QSER1: variants seen among roughly 807,000 people sequenced by gnomAD.
The protein encoded by QSER1 is glutamine and serine-rich protein 1.
A neutral mutation model predicts 158.5 loss-of-function variants in QSER1; 49 were observed. The observed-to-expected ratio is 0.31, with a 90% CI of 0.25 to 0.39. QSER1 has a LOEUF of 0.39. Among genes scored for constraint, QSER1 ranks in the 10% least tolerant of loss-of-function variants. The pLI is 1.00. For synonymous variants in QSER1, 650 were observed against 715.5 expected (o/e 0.91, Z 1.46); for missense variants, 1,754 against 2,010.3 (o/e 0.87, Z 2.44).
chr11:32,977,861 G>C lies in QSER1; in HGVS notation c.*1387G>C, dbSNP rs1398457179. ...CTTTTGTTTATTTTACCACCATTTA[G>C]TGCCTTAAATCCTATCAAGAAAGCA... is the stretch of plus-strand genomic sequence containing the variant. On this transcript the variant is annotated 3_prime_UTR_variant, in exon 13 of 13. Transcript: ENST00000650167. 6.6e-6 allele frequency: 1 copy of C among 152,544 alleles called. No individual in the cohort carries two copies. Among genetic ancestry groups the C allele is most frequent in the Non-Finnish European group, 1.5e-5 (1 of 68,010 alleles). The allele number at this position is 152,544 out of a possible 1,614,324, so 9.4% of individuals were successfully genotyped here.
Position 32,978,191 on chromosome 11 carries a change from G to C in QSER1, c.*1717G>C, listed in dbSNP as rs945212519. ...AGGGTTAAATGTTCCATTTTTGAAAGTTTTAAAAAACCTGTTTGGGTGGTT... is the reference window on the plus strand; with the variant it reads ...AGGGTTAAATGTTCCATTTTTGAAACTTTTAAAAAACCTGTTTGGGTGGTT... On this transcript the variant is annotated 3_prime_UTR_variant, in exon 13 of 13. Transcript: ENST00000650167. 1.3e-5 allele frequency: 2 copies of C among 152,554 alleles called. No homozygotes were observed. Among genetic ancestry groups the C allele is most frequent in the Admixed American group, 1.3e-4 (2 of 15,268 alleles). The allele number at this position is 152,554 out of a possible 1,614,324, so 9.5% of individuals were successfully genotyped here. A position where few individuals can be genotyped will look rare whatever the true frequency, so the allele number is the denominator to read the frequency against.
chr11:32,925,787 C>G (rs1049334518), intron 1 of QSER1, among the ~76,000 whole-genome samples: 3 of 152,096 alleles, frequency 2.0e-5, no homozygotes, highest in African/African-American at 7.2e-5. Context: ...CTCATCCTCC[C>G]AAAGTACTGG....
chr11:32,950,284 G>A (rs1852401293), intron 4 of QSER1, among the ~76,000 whole-genome samples: 1 of 152,028 alleles, frequency 6.6e-6, no homozygotes, highest in Non-Finnish European at 1.5e-5. Context: ...AGTGGACACG[G>A]GGTTTTACCA....
chr11:32,911,950 G>A (rs1200389546), intron 1 of QSER1, among the ~76,000 whole-genome samples: 2 of 152,154 alleles, frequency 1.3e-5, no homozygotes, highest in Non-Finnish European at 2.9e-5. Flanking sequence ...ATTTTGATTT[G>A]CAGATAAGTA....
At chr11:32,901,500 AAG>A (rs540168990) in intron 1 of QSER1, among the ~76,000 whole-genome samples, 17 of 152,322 alleles carry the variant, frequency 1.1e-4, no homozygotes, top group South Asian at 6.2e-4. Context: ...ATAGTGGAAT[AAG>A]GGATTAGTAC....
chr11:32,913,477 G>C (rs1490417105), intron 1 of QSER1, among the ~76,000 whole-genome samples: 1 of 151,798 alleles, frequency 6.6e-6, no homozygotes, highest in Non-Finnish European at 1.5e-5. Flanking sequence ...ACAGGTGCGA[G>C]CTACCGCACC....
At position 32,975,585 on chromosome 11, in the gene QSER1, G is replaced by A. The variant is rs183959043; in HGVS notation, c.5454+242G>A. The A allele has an allele frequency of 1.2e-3, 1,647 of 1,319,668 alleles. 2 individuals carry two copies. The highest frequency in any genetic ancestry group is 1.5e-3 in the Non-Finnish European group (1,557 of 1,021,284). The allele number at this position is 1,319,668 out of a possible 1,614,324, so 81.7% of individuals were successfully genotyped here. A position where few individuals can be genotyped will look rare whatever the true frequency, so the allele number is the denominator to read the frequency against. ...CTATAATTGGTAATGTTTTGAAGCT[G>A]TTGGTGCTTGCTTTACATCGCCATA... is the stretch of plus-strand genomic sequence containing the variant. On this transcript the variant is annotated intron_variant, in intron 12 of 12. Transcript: ENST00000650167.
rs770290878 is a variant in QSER1 at position 32,931,790 on chromosome 11, C to T, written c.532C>T (p.Pro178Ser). The stretch of plus-strand genomic sequence containing the variant: ...TGAGCTGTTTGCTACTGGACCTTTG[C>T]CAAGCACTGGAACACTTCCACCATC... ...ATELFATGPL[P>S]STGTLPPSLS... is the part of the protein sequence containing the mutation. The change falls in exon 4 of 13, where the codon CCA becomes TCA. Residue 178 changes from proline (P) to serine (S), a missense_variant. By Grantham distance (74) the Pro-to-Ser change is moderately conservative (BLOSUM62 -1). This residue lies in a region of QSER1 where 1,707 missense variants were observed against 1,919.6 expected (regional missense o/e 0.89). Transcript: ENST00000650167. 1 of 1,612,942 alleles carries T rather than the reference C, an allele frequency of 6.2e-7. No homozygotes were observed. The highest frequency in any genetic ancestry group is 1.1e-5 in the South Asian group (1 of 90,766).
chr11:32,973,777 T>A (rs1275766806), intron 11 of QSER1, among the ~76,000 whole-genome samples: 1 of 152,210 alleles, frequency 6.6e-6, no homozygotes, highest in Non-Finnish European at 1.5e-5. Flanking sequence ...TTTCTTAAAT[T>A]GACTAATATG....
At position 32,932,726 on chromosome 11, in the gene QSER1, T is replaced by C. The variant is rs376819309; in HGVS notation, c.1468T>C (p.Tyr490His). The C allele has an allele frequency of 6.1e-5, 98 of 1,614,066 alleles. No individual in the cohort carries two copies. Among genetic ancestry groups the C allele is most frequent in the Middle Eastern group, 3.3e-4 (2 of 6,084 alleles). ...NVPSIVHSQV[Y>H]RSSKVEKLPP... ...GCCATCTATTGTTCATTCACAGGTT[T>C]ATAGGTCCAGCAAGGTTGAGAAATT... is the stretch of plus-strand genomic sequence containing the variant. The change falls in exon 4 of 13, where the codon TAT becomes CAT. Residue 490 changes from tyrosine (Y) to histidine (H), a missense_variant. Physicochemically the swap from Tyr to His is moderately conservative, Grantham distance 83. Transcript: ENST00000650167.
chr11:32,918,081 T>C (rs1374998094), intron 1 of QSER1, among the ~76,000 whole-genome samples: 1 of 152,208 alleles, frequency 6.6e-6, no homozygotes, highest in Non-Finnish European at 1.5e-5. Context: ...ACAGGATGCC[T>C]GCCCAGTCAA....
rs374946220 is a variant in QSER1 at position 32,932,243 on chromosome 11, T to C, written c.985T>C (p.Ser329Pro). ...KHHQRPSGTQ[S>P]IQAQLTGSQH... ...CCATCAGCGGCCTTCAGGTACCCAG[T>C]CAATTCAGGCACAACTGACTGGTTC... Residue 329 changes from serine (S) to proline (P), a missense_variant, in exon 4 of 13, where the codon TCA (serine) becomes CCA (proline). Transcript: ENST00000650167. The C allele has an allele frequency of 1.1e-5, 17 of 1,614,134 alleles. No individual in the cohort carries two copies. The highest frequency in any genetic ancestry group is 1.4e-5 in the Non-Finnish European group (16 of 1,180,030).
intron 1 of QSER1, among the ~76,000 whole-genome samples, chr11:32,898,432 G>T (rs1354758431): frequency 6.6e-6 from 1 of 151,826 alleles, no homozygotes; most frequent in Non-Finnish European, 1.5e-5. Context: ...GTTGCCGTGA[G>T]CTGTGATGGT....
In QSER1 at chr11:32,933,546, G is replaced by A; in HGVS notation, c.2288G>A (p.Ser763Asn). 6.2e-7 allele frequency: 1 copy of A among 1,613,710 alleles called. No homozygotes were observed. Among genetic ancestry groups the A allele is most frequent in the Non-Finnish European group, 8.5e-7 (1 of 1,179,882 alleles). The change falls in exon 4 of 13, where the codon AGT becomes AAT. Residue 763 changes from serine to asparagine, a missense_variant. Physicochemically the swap from Ser to Asn is conservative, Grantham distance 46. Around this residue, in one of 2 missense-constraint regions of QSER1, gnomAD observed 1,707 missense variants for 1,919.6 expected, o/e 0.89. Transcript: ENST00000650167. ...CTGCAAGCATCAAAAAAAGAAGAAAGTGTTGTTGGTTCAGTGACACAACTT... is the reference window on the plus strand; with the variant it reads ...CTGCAAGCATCAAAAAAAGAAGAAAATGTTGTTGGTTCAGTGACACAACTT... The part of the protein sequence containing the change: ...VALQASKKEE[S>N]VVGSVTQLNQ...
chr11:32,917,996 T>C (rs1485693765), intron 1 of QSER1, among the ~76,000 whole-genome samples: 2 of 152,100 alleles, frequency 1.3e-5, no homozygotes, highest in African/African-American at 4.8e-5. Flanking sequence ...ATATTAAGTC[T>C]CAGATAATTC....
At chr11:32,919,633 C>A (rs1851876327) in intron 1 of QSER1, among the ~76,000 whole-genome samples, 2 of 152,106 alleles carry the variant, frequency 1.3e-5, no homozygotes, top group Non-Finnish European at 2.9e-5. Flanking sequence ...TAAAGTTACT[C>A]TTTTTTTCCT....
At chr11:32,951,911 C>G (rs1469376652) in intron 4 of QSER1, among the ~76,000 whole-genome samples, 2 of 148,094 alleles carry the variant, frequency 1.4e-5, no homozygotes, top group Non-Finnish European at 3.0e-5. Context: ...GATCGTGGCT[C>G]ACTGCAACCT....
At position 32,893,285 on chromosome 11, in the gene QSER1, TGCAGCAGTGGCAGCTGCAGTAGCG is replaced by T. The variant is rs1851508442; in HGVS notation, c.168_191del (p.Gly57_Ser64del). The T allele has an allele frequency of 2.6e-5, 4 of 153,696 alleles. No homozygotes were observed. Among genetic ancestry groups the T allele is most frequent in the East Asian group, 1.9e-4 (1 of 5,196 alleles). The allele number at this position is 153,696 out of a possible 1,614,324, so 9.5% of individuals were successfully genotyped here. On this transcript the variant is annotated inframe_deletion, in exon 1 of 13. Coordinates refer to ENST00000650167, the MANE Select transcript of QSER1 (RefSeq NM_001076786.3). This position sits in a 1 kb window ranked among gnomAD's most constrained non-coding sequence, Gnocchi z 4.7. ...CGCCGCCGCCGCCGCCAGCAGCAGC[TGCAGCAGTGGCAGCTGCAGTAGCG>T]GCAGCAGCCCCAGCCTCAAGGCCAG...
At chr11:32,916,086 A>T (rs1053766900) in intron 1 of QSER1, among the ~76,000 whole-genome samples, 2 of 151,996 alleles carry the variant, frequency 1.3e-5, no homozygotes, top group Non-Finnish European at 2.9e-5. Flanking sequence ...TTTTGAGTAG[A>T]GACAGGGTTT....
Sources: allele counts gnomAD v4.1 joint callset (sites outside exome capture counted in the v4.1 genomes callset), GRCh38; gene constraint gnomAD v4.1.1; regional missense constraint gnomAD v4.1.1; non-coding constraint Gnocchi (gnomAD v3.1); transcripts MANE v1.5; gene names NCBI Gene and HGNC (gene_info 2026-07-23, HGNC 2026-07-21).